Variants in WFDC11 observed in about 807,000 individuals in gnomAD.
WFDC11 encodes the protein protein WFDC11.
In WFDC11, 9 loss-of-function variants were observed where a neutral mutation model predicts 9.9. The ratio of observed to expected loss-of-function variants is 0.91; its 90% CI spans 0.55 to 1.58. The LOEUF is 1.58. Ranked by LOEUF, WFDC11 falls within the 40% of genes most tolerant of loss-of-function variation. The probability of loss-of-function intolerance (pLI) is 0.00; values close to 1 mark genes in which losing one functional copy is unlikely to be tolerated. For synonymous variants in WFDC11, 32 were observed against 33.3 expected (o/e 0.96, Z 0.13); for missense variants, 106 against 101.7 (o/e 1.04, Z -0.18).
rs377658561 is a variant in WFDC11, at chr20:45,666,545, C to A, written c.-52+543G>T. On this transcript the variant is annotated intron_variant, in intron 2 of 4. Coordinates refer to ENST00000324384, the MANE Select transcript of WFDC11 (RefSeq NM_147197.2). ...GCTGCAGACCAGAGCTGTTCCTATT[C>A]GGCCATCTTGGAGCCGCCTCCTCCA... is the stretch of plus-strand genomic sequence containing the variant. 2.6e-5 allele frequency among the ~76,000 whole-genome samples: 4 copies of A among 152,200 alleles called. No individual in the cohort carries two copies. The South Asian group carries it at 8.3e-4, about 31-fold the overall frequency.
At chr20:45,651,514 C>G (rs1370014808) in intron 2 of WFDC11, among the ~76,000 whole-genome samples, 1 of 152,090 alleles carries the variant, frequency 6.6e-6, no homozygotes, top group Non-Finnish European at 1.5e-5. Context: ...TCTACAGCTC[C>G]CAGCGTGAGC....
chr20:45,668,773 ATAGATTGG>A (rs1335091413), intron 1 of WFDC11, among the ~76,000 whole-genome samples: 7 of 152,192 alleles, frequency 4.6e-5, no homozygotes, highest in African/African-American at 1.7e-4. Flanking sequence ...CAAAAATTTC[ATAGATTGG>A]TAGATTACTC....
At chr20:45,654,597 G>A (rs1188331038) in intron 2 of WFDC11, among the ~76,000 whole-genome samples, 1 of 152,092 alleles carries the variant, frequency 6.6e-6, no homozygotes, top group Non-Finnish European at 1.5e-5. Flanking sequence ...GGAACTGAAG[G>A]AAATAGAGAC....
At chr20:45,653,219 C>G (rs1457644920) in intron 2 of WFDC11, among the ~76,000 whole-genome samples, 2 of 152,166 alleles carry the variant, frequency 1.3e-5, no homozygotes, top group Non-Finnish European at 1.5e-5. Context: ...ATCAGACTAA[C>G]AGTGGATCTC....
At chr20:45,653,294 G>A (rs1268071792) in intron 2 of WFDC11, among the ~76,000 whole-genome samples, 7 of 152,052 alleles carry the variant, frequency 4.6e-5, no homozygotes, top group African/African-American at 1.4e-4. Context: ...AAAGAAAAGA[G>A]TTTTCAACCC....
At chr20:45,664,110 G>A (rs760439583) in intron 2 of WFDC11, among the ~76,000 whole-genome samples, 3 of 152,168 alleles carry the variant, frequency 2.0e-5, no homozygotes, top group Non-Finnish European at 4.4e-5. Context: ...GGGTGCTCCC[G>A]TATTGGGTGC....
At chr20:45,657,702 C>A (rs1365161938) in intron 2 of WFDC11, among the ~76,000 whole-genome samples, 1 of 152,198 alleles carries the variant, frequency 6.6e-6, no homozygotes. Flanking sequence ...GTTCCCCCTT[C>A]CATCCATGCT....
At chr20:45,669,932 C>T (rs780291221) in intron 1 of WFDC11, among the ~76,000 whole-genome samples, 3 of 151,744 alleles carry the variant, frequency 2.0e-5, no homozygotes, top group Admixed American at 6.6e-5. Context: ...AGTTAGACTA[C>T]TAAAGAAAGA....
At chr20:45,649,179 T>A in intron 4 of WFDC11, 78 bp downstream of exon 4, 1 of 1,549,918 alleles carries the variant, frequency 6.5e-7, no homozygotes, top group Non-Finnish European at 8.7e-7. Flanking sequence ...CTCAGTCTTC[T>A]GTTTAGGAAT....
intron 2 of WFDC11, among the ~76,000 whole-genome samples, chr20:45,659,875 C>G (rs938672647): frequency 1.3e-5 from 2 of 152,000 alleles, no homozygotes; most frequent in Admixed American, 6.6e-5. Context: ...TAATCCATCT[C>G]GAGTTGATTT....
At chr20:45,658,269 C>T (rs141588303) in intron 2 of WFDC11, among the ~76,000 whole-genome samples, 75 of 152,178 alleles carry the variant, frequency 4.9e-4, no homozygotes, top group African/African-American at 1.8e-3. Context: ...TTTAAGTTTG[C>T]AATACAGTAT....
At chr20:45,650,422 C>T (rs45546535) in intron 3 of WFDC11, 79 bp downstream of exon 3, 21,376 of 1,164,796 alleles carry the variant, frequency 0.018, 244 homozygotes, top group Non-Finnish European at 0.023. Flanking sequence ...TCAGATACAG[C>T]GGACAATGAA....
chr20:45,665,595 G>A (rs6073844), intron 2 of WFDC11, among the ~76,000 whole-genome samples: 20,754 of 152,134 alleles, frequency 0.14, 1,859 homozygotes, highest in East Asian at 0.32. Flanking sequence ...CTACAGATGG[G>A]GTTTTGGTGT....
chr20:45,659,196 A>G (rs1307522605), intron 2 of WFDC11, among the ~76,000 whole-genome samples: 2 of 152,240 alleles, frequency 1.3e-5, no homozygotes, highest in East Asian at 1.9e-4. Context: ...TCTTTATAGC[A>G]GCATGATTTA....
At chr20:45,659,339 A>G (rs1983003797) in intron 2 of WFDC11, among the ~76,000 whole-genome samples, 1 of 152,204 alleles carries the variant, frequency 6.6e-6, no homozygotes, top group South Asian at 2.1e-4. Context: ...ACAGTGTAAA[A>G]GTGTTCCATT....
rs757885632 is a variant in WFDC11 at position 45,648,753 on chromosome 20, A to C, written c.244-14T>G. The C allele has an allele frequency of 6.2e-7, 1 of 1,614,014 alleles. No homozygotes were observed. Reference sequence around the variant, plus strand: ...TCCACTGGTTTCCTGTAAAACAAAAAGGTTAGATTTTTAGAGGCTAGAGAA... The same window carrying C: ...TCCACTGGTTTCCTGTAAAACAAAACGGTTAGATTTTTAGAGGCTAGAGAA... On this transcript the variant is annotated splice_polypyrimidine_tract_variant and intron_variant, in intron 4 of 4. Coordinates refer to ENST00000324384, the MANE Select transcript of WFDC11 (RefSeq NM_147197.2).
chr20:45,649,243 A>C lies in WFDC11; in HGVS notation c.243+14T>G. ...AGTGAAGATATACACCCAAGCAAAC[A>C]TCTCCCAACTCACGACGTTTATCCA... is the stretch of plus-strand genomic sequence containing the variant. On this transcript the variant is annotated intron_variant, in intron 4 of 4. Coordinates refer to ENST00000324384, the MANE Select transcript of WFDC11 (RefSeq NM_147197.2). 1 of 1,613,800 alleles carries C rather than the reference A, an allele frequency of 6.2e-7. No homozygotes were observed. Among genetic ancestry groups the C allele is most frequent in the Non-Finnish European group, 8.5e-7 (1 of 1,179,878 alleles).
chr20:45,649,335 A>C lies in WFDC11; in HGVS notation c.165T>G (p.Cys55Trp), dbSNP rs759668399. 2.1e-5 allele frequency: 34 copies of C among 1,614,064 alleles called. 1 individual carries two copies. The South Asian group carries it at 3.7e-4, about 18-fold the overall frequency. Residue 55 changes from cysteine (C) to tryptophan (W), a missense_variant, in exon 4 of 5, where the codon TGT becomes TGG. By Grantham distance (215) the Cys-to-Trp change is radical (BLOSUM62 -2). Transcript: ENST00000324384. ...KPNVKECTNK[C>W]SKAFRCKDKN... ...TGTCTTTACATCTAAAGGCTTTAGA[A>C]CACTTATTGGTACATTCTTTGACAT...
rs138749023 is a variant in WFDC11, at chr20:45,669,508, C to G, written c.-134+670G>C. On this transcript the variant is annotated intron_variant, in intron 1 of 4. Transcript: ENST00000324384. ...AATAGTTTATTGATAGACATCAATA[C>G]CAAGAGCTCTCAAAACCACACACTT... 4.7e-4 allele frequency among the ~76,000 whole-genome samples: 71 copies of G among 152,224 alleles called. 1 individual carries two copies. Among genetic ancestry groups the G allele is most frequent in the African/African-American group, 1.7e-3 (71 of 41,542 alleles).
Sources: gnomAD v4.1 joint callset for allele counts (sites outside exome capture counted in the v4.1 genomes callset) on GRCh38, gnomAD v4.1.1 for gene constraint, MANE v1.5 for transcripts, NCBI Gene and HGNC (gene_info 2026-07-23, HGNC 2026-07-21) for gene names.